Variants in WWOX observed in about 807,000 individuals in gnomAD.
WWOX encodes WW domain-containing oxidoreductase.
A neutral mutation model predicts 46.2 loss-of-function variants in WWOX; 69 were observed. That is an observed-to-expected ratio of 1.49 (90% CI 1.23 to 1.82). The LOEUF (loss-of-function observed/expected upper bound fraction) is 1.82. Ranked by LOEUF, WWOX falls within the 40% of genes most tolerant of loss-of-function variation. The pLI is 0.00. For missense variants in WWOX, 919 were observed against 542.6 expected, an observed-to-expected ratio of 1.69 and a Z score of -6.89; for synonymous variants, 359 against 202.6, an observed-to-expected ratio of 1.77 and a Z score of -6.56.
intron 8 of WWOX, among the ~76,000 whole-genome samples, chr16:78,749,567 A>AT (rs1405477721): frequency 1.3e-5 from 2 of 152,126 alleles, no homozygotes; most frequent in Non-Finnish European, 2.9e-5. Flanking sequence ...TTAAGGATGT[A>AT]TTTATTTCAG....
At chr16:78,857,061 A>G (rs929228674) in intron 8 of WWOX, among the ~76,000 whole-genome samples, 19 of 152,248 alleles carry the variant, frequency 1.2e-4, no homozygotes, top group African/African-American at 4.1e-4. Context: ...TGGTATTACA[A>G]TCTTCTGGGA....
At chr16:78,888,976 C>T (rs554414636) in intron 8 of WWOX, among the ~76,000 whole-genome samples, 1 of 152,042 alleles carries the variant, frequency 6.6e-6, no homozygotes, top group African/African-American at 2.4e-5. Context: ...AGAAAGCTTC[C>T]CTGGTCAGTC....
chr16:79,103,922 G>A (rs1436545671), intron 8 of WWOX, among the ~76,000 whole-genome samples: 1 of 151,770 alleles, frequency 6.6e-6, no homozygotes, highest in African/African-American at 2.4e-5. Context: ...CTCCTTAATT[G>A]AAAATGATGT....
chr16:78,900,124 T>C (rs2044793060), intron 8 of WWOX, among the ~76,000 whole-genome samples: 1 of 150,078 alleles, frequency 6.7e-6, no homozygotes, highest in South Asian at 2.1e-4. Flanking sequence ...ATTTCTTTAT[T>C]ACTGTTTTTT....
chr16:78,178,373 C>G (rs936728575), intron 5 of WWOX, among the ~76,000 whole-genome samples: 2 of 152,210 alleles, frequency 1.3e-5, no homozygotes, highest in African/African-American at 4.8e-5. Context: ...TTGGAAATGT[C>G]ACTGTGGCCC....
At chr16:78,610,783 G>C (rs1282593797) in intron 8 of WWOX, among the ~76,000 whole-genome samples, 3 of 152,092 alleles carry the variant, frequency 2.0e-5, no homozygotes, top group Admixed American at 6.5e-5. Context: ...ATAAAATCTG[G>C]AGGTTTGGAA....
At chr16:78,562,705 C>G (rs2044467977) in intron 8 of WWOX, among the ~76,000 whole-genome samples, 1 of 152,190 alleles carries the variant, frequency 6.6e-6, no homozygotes, top group Admixed American at 6.5e-5. Flanking sequence ...CACTGACAAT[C>G]TGATCGCTCC....
At chr16:78,624,271 T>C (rs1340540168) in intron 8 of WWOX, among the ~76,000 whole-genome samples, 2 of 151,864 alleles carry the variant, frequency 1.3e-5, no homozygotes, top group African/African-American at 4.8e-5. Flanking sequence ...CCCAGCATTA[T>C]GTGGTAAAGG....
intron 8 of WWOX, among the ~76,000 whole-genome samples, chr16:78,539,877 C>G (rs749658135): frequency 2.6e-5 from 4 of 152,150 alleles, no homozygotes; most frequent in East Asian, 1.9e-4. Context: ...AATTTACTCT[C>G]TCTTCATAGA....
rs1272217071 is a variant in WWOX at position 78,346,307 on chromosome 16, G to T, written c.517-40553G>T. 3.3e-5 allele frequency among the ~76,000 whole-genome samples: 4 copies of T among 121,154 alleles called. 1 individual carries two copies. Among genetic ancestry groups the T allele is most frequent in the African/African-American group, 1.1e-4 (4 of 35,790 alleles). 79.5% of individuals were successfully genotyped at this position (121,154 alleles called of 152,430 possible). Reference sequence around the variant, plus strand: ...CTGATAGACATTTGGGTTCTTCCCAGTTTTTAGCTGTTGTAAATGGATACT... The same window carrying T: ...CTGATAGACATTTGGGTTCTTCCCATTTTTTAGCTGTTGTAAATGGATACT... On this transcript the variant is annotated intron_variant, in intron 5 of 8. Transcript: ENST00000566780.
intron 5 of WWOX, among the ~76,000 whole-genome samples, chr16:78,291,350 C>G (rs906465555): frequency 6.6e-6 from 1 of 152,126 alleles, no homozygotes; most frequent in African/African-American, 2.4e-5. Flanking sequence ...AGATAAACAG[C>G]ATATTTGTGG....
intron 5 of WWOX, among the ~76,000 whole-genome samples, chr16:78,170,187 G>T (rs1291456811): frequency 6.6e-6 from 1 of 152,172 alleles, no homozygotes; most frequent in South Asian, 2.1e-4. Flanking sequence ...ATCGTCCCCA[G>T]TTCATAACCA....
At chr16:78,420,348 A>T (rs1404286864) in intron 6 of WWOX, among the ~76,000 whole-genome samples, 1 of 152,212 alleles carries the variant, frequency 6.6e-6, no homozygotes, top group Non-Finnish European at 1.5e-5. Context: ...CCTAATAGCC[A>T]ATAAATGGAA....
intron 8 of WWOX, among the ~76,000 whole-genome samples, chr16:78,511,682 C>A (rs578191151): frequency 1.3e-5 from 2 of 152,150 alleles, no homozygotes; most frequent in South Asian, 2.1e-4. Context: ...TAGTACCCCC[C>A]GCCTAGGGTG....
intron 5 of WWOX, among the ~76,000 whole-genome samples, chr16:78,181,723 A>G (rs2035538083): frequency 6.6e-6 from 1 of 152,194 alleles, no homozygotes; most frequent in African/African-American, 2.4e-5. Flanking sequence ...GAACACAGGA[A>G]TTTATTTTAA....
chr16:78,135,803 A>G (rs150033755), intron 4 of WWOX, among the ~76,000 whole-genome samples: 1 of 152,190 alleles, frequency 6.6e-6, no homozygotes, highest in Non-Finnish European at 1.5e-5. Flanking sequence ...TTTACTTGTC[A>G]GTCCTTTTGG....
intron 5 of WWOX, among the ~76,000 whole-genome samples, chr16:78,336,962 G>A (rs899535287): frequency 1.3e-5 from 2 of 151,918 alleles, no homozygotes; most frequent in Admixed American, 6.6e-5. Context: ...GTATTTTTTA[G>A]TACAGACGGG....
At chr16:78,814,245 A>G (rs1053839594) in intron 8 of WWOX, among the ~76,000 whole-genome samples, 2 of 151,876 alleles carry the variant, frequency 1.3e-5, no homozygotes, top group African/African-American at 2.4e-5. Flanking sequence ...TACATCAACA[A>G]TTTTTCATCT....
At chr16:79,127,551 G>A (rs2049784340) in intron 8 of WWOX, among the ~76,000 whole-genome samples, 2 of 152,110 alleles carry the variant, frequency 1.3e-5, no homozygotes, top group South Asian at 2.1e-4. Context: ...TTTTGCTATT[G>A]CAAATTGTGC....
Sources: gnomAD v4.1 joint callset for allele counts (sites outside exome capture counted in the v4.1 genomes callset) on GRCh38, gnomAD v4.1.1 for gene constraint, MANE v1.5 for transcripts, NCBI Gene and HGNC (gene_info 2026-07-23, HGNC 2026-07-21) for gene names.